GSK3B: variants seen among roughly 807,000 people sequenced by gnomAD.
GSK3B encodes glycogen synthase kinase-3 beta.
Under a neutral mutation model 56.4 loss-of-function variants are expected in GSK3B, and 15 were observed. The ratio of observed to expected loss-of-function variants is 0.27; its 90% CI spans 0.18 to 0.41. The LOEUF (loss-of-function observed/expected upper bound fraction) is 0.41. GSK3B is among the 10% of genes least tolerant of loss of function. GSK3B has a pLI of 1.00. For missense variants in GSK3B, 300 were observed against 513.4 expected (o/e 0.58, Z 4.02); for synonymous variants, 181 against 188.9 (o/e 0.96, Z 0.34).
rs66753817 is a variant in GSK3B at position 119,826,370 on chromosome 3, T to C, written c.*418A>G. The C allele has an allele frequency of 8.1e-3, 3,331 of 410,834 alleles. 36 individuals are homozygous for C. Among genetic ancestry groups the C allele is most frequent in the Middle Eastern group, 0.034 (47 of 1,396 alleles). 25.4% of individuals were successfully genotyped at this position (410,834 alleles called of 1,614,324 possible). A position where few individuals can be genotyped will look rare whatever the true frequency, so the allele number is the denominator to read the frequency against. ...TGTGCACTATACCAAAGTCTCACAC[T>C]AGACTTTAAAAGAAAACAAAGTTCA... is the stretch of plus-strand genomic sequence containing the variant. On this transcript the variant is annotated 3_prime_UTR_variant, in exon 11 of 11. Coordinates refer to ENST00000264235, the MANE Select transcript of GSK3B (RefSeq NM_001146156.2).
intron 1 of GSK3B, among the ~76,000 whole-genome samples, chr3:120,078,611 G>A (rs1245042616): frequency 2.0e-5 from 3 of 150,492 alleles, no homozygotes. Flanking sequence ...GAGAGCAAGT[G>A]GCACGATCTC....
chr3:120,066,776 A>T (rs1272531317), intron 1 of GSK3B, among the ~76,000 whole-genome samples: 2 of 152,214 alleles, frequency 1.3e-5, no homozygotes, highest in Admixed American at 1.3e-4. Context: ...TAACTCTGCC[A>T]CTGTATGTGA....
intron 7 of GSK3B, among the ~76,000 whole-genome samples, chr3:119,901,483 T>C (rs1475915531): frequency 6.6e-6 from 1 of 152,196 alleles, no homozygotes. Context: ...TATTTGGATT[T>C]TATTCTAAAT....
intron 2 of GSK3B, among the ~76,000 whole-genome samples, chr3:119,983,991 A>C (rs1034821748): frequency 3.9e-5 from 6 of 152,234 alleles, no homozygotes; most frequent in Admixed American, 2.0e-4. Context: ...AAGGACAGAA[A>C]GCACAACAAA....
chr3:119,875,672 C>T (rs2108048097), intron 8 of GSK3B, among the ~76,000 whole-genome samples: 1 of 152,076 alleles, frequency 6.6e-6, no homozygotes, highest in South Asian at 2.1e-4. Flanking sequence ...CTTATAAACC[C>T]TACTGAGAAA....
chr3:119,849,266 G>C (rs987452621), intron 9 of GSK3B, among the ~76,000 whole-genome samples: 12 of 152,242 alleles, frequency 7.9e-5, no homozygotes, highest in Non-Finnish European at 1.5e-4. Flanking sequence ...AAATGTGTAA[G>C]GTCCCAGGAT....
chr3:119,837,147 A>G (rs1178180562), intron 10 of GSK3B, among the ~76,000 whole-genome samples: 5 of 152,078 alleles, frequency 3.3e-5, no homozygotes, highest in Non-Finnish European at 7.4e-5. Context: ...CAGGGTGAAA[A>G]AAGGATAAAC....
intron 1 of GSK3B, among the ~76,000 whole-genome samples, chr3:120,042,555 G>C (rs1468279608): frequency 3.3e-5 from 5 of 152,114 alleles, no homozygotes; most frequent in African/African-American, 1.2e-4. Context: ...GCCTCTAACG[G>C]GTTGTCTAAA....
chr3:119,860,668 A>C (rs1466369977), intron 9 of GSK3B, among the ~76,000 whole-genome samples: 1 of 152,248 alleles, frequency 6.6e-6, no homozygotes, highest in East Asian at 1.9e-4. Flanking sequence ...TCAAGTGTTT[A>C]ATCTTTATAG....
At chr3:119,992,496 A>C (rs2057574946) in intron 2 of GSK3B, among the ~76,000 whole-genome samples, 1 of 152,098 alleles carries the variant, frequency 6.6e-6, no homozygotes, top group Non-Finnish European at 1.5e-5. Context: ...GCAAAAACTG[A>C]ACCCTGATAA....
chr3:119,905,726 G>T, intron 7 of GSK3B, 29 bp downstream of exon 7: 1 of 1,218,530 alleles, frequency 8.2e-7, no homozygotes, highest in Non-Finnish European at 1.2e-6. Context: ...ATTCCTTCCA[G>T]TTCAAATATT....
chr3:120,056,413 G>A (rs2058191479), intron 1 of GSK3B, among the ~76,000 whole-genome samples: 1 of 152,166 alleles, frequency 6.6e-6, no homozygotes, highest in Non-Finnish European at 1.5e-5. Context: ...GATCTTGGCT[G>A]ACTGCAACCT....
chr3:119,895,549 A>C (rs1015871734), intron 7 of GSK3B, among the ~76,000 whole-genome samples: 2 of 152,292 alleles, frequency 1.3e-5, no homozygotes, highest in East Asian at 3.9e-4. Flanking sequence ...ACAGTGTACA[A>C]GGATTCCCTT....
intron 10 of GSK3B, among the ~76,000 whole-genome samples, chr3:119,830,802 T>C (rs1011438257): frequency 6.6e-6 from 1 of 152,258 alleles, no homozygotes; most frequent in African/African-American, 2.4e-5. Context: ...TTATTTAATC[T>C]ATCTCTCATT....
In GSK3B at chr3:119,940,110, T is replaced by TGTGTG. The variant is rs572334273; in HGVS notation, c.366+7157_366+7158insCACAC. On this transcript the variant is annotated intron_variant, in intron 3 of 10. Coordinates refer to ENST00000264235, the MANE Select transcript of GSK3B (RefSeq NM_001146156.2). ...CAGTAACAAAAGTGTGTGTGTGTGTTTGTGTGTGTGTGTGTGTGTGTGTAT... is the reference window on the plus strand; with the variant it reads ...CAGTAACAAAAGTGTGTGTGTGTGTTGTGTGTGTGTGTGTGTGTGTGTGTGTGTAT... Among the ~76,000 whole-genome samples the TGTGTG allele has an allele frequency of 3.7e-3, 555 of 149,050 alleles. 1 individual carries two copies. The highest frequency in any genetic ancestry group is 0.013 in the African/African-American group (512 of 40,866).
At chr3:119,978,156 A>T (rs183355148) in intron 2 of GSK3B, among the ~76,000 whole-genome samples, 153 of 152,270 alleles carry the variant, frequency 1.0e-3, no homozygotes, top group African/African-American at 3.5e-3. Flanking sequence ...GGTCAGCATG[A>T]CCATAAACCA....
chr3:120,062,882 A>G (rs1212920508), intron 1 of GSK3B, among the ~76,000 whole-genome samples: 1 of 152,220 alleles, frequency 6.6e-6, no homozygotes, highest in African/African-American at 2.4e-5. Context: ...AAAGAGGAAT[A>G]TATACCCTAC....
intron 2 of GSK3B, among the ~76,000 whole-genome samples, chr3:119,964,641 T>C (rs574725781): frequency 2.0e-5 from 3 of 152,268 alleles, no homozygotes; most frequent in South Asian, 2.1e-4. Flanking sequence ...GGTATAAAGT[T>C]AGTTATACAA....
chr3:120,017,026 T>C (rs1003428978), intron 1 of GSK3B, among the ~76,000 whole-genome samples: 1 of 152,240 alleles, frequency 6.6e-6, no homozygotes, highest in Non-Finnish European at 1.5e-5. Context: ...CTTTGGCTTT[T>C]AGGAATTTAC....
Sources: gnomAD v4.1 joint callset for allele counts (sites outside exome capture counted in the v4.1 genomes callset) on GRCh38, gnomAD v4.1.1 for gene constraint, MANE v1.5 for transcripts, NCBI Gene and HGNC (gene_info 2026-07-23, HGNC 2026-07-21) for gene names.